Variants in CPNE4 observed in about 807,000 individuals in gnomAD.
The protein encoded by CPNE4 is copine-4.
A neutral mutation model predicts 67.9 loss-of-function variants in CPNE4; 25 were observed. That is an observed-to-expected ratio of 0.37 (90% CI 0.27 to 0.51). The LOEUF (loss-of-function observed/expected upper bound fraction) is 0.51, where lower values mean the gene tolerates loss of function less well. Among genes scored for constraint, CPNE4 ranks in the 20% least tolerant of loss-of-function variants. The pLI is 0.93. For missense variants in CPNE4, 464 were observed against 690.8 expected (o/e 0.67, Z 3.68); for synonymous variants, 242 against 244.9 (o/e 0.99, Z 0.11).
chr3:131,791,471 T>C (rs2083716375), intron 2 of CPNE4, among the ~76,000 whole-genome samples: 3 of 152,202 alleles, frequency 2.0e-5, no homozygotes, highest in African/African-American at 7.2e-5. Context: ...TAGTTATCCA[T>C]TTTCTCAACA....
At chr3:131,932,156 G>T (rs1036099460) in intron 1 of CPNE4, among the ~76,000 whole-genome samples, 1 of 152,152 alleles carries the variant, frequency 6.6e-6, no homozygotes, top group Non-Finnish European at 1.5e-5. Flanking sequence ...AGGACAGGAG[G>T]TCTCCAAACC....
rs187796719 is a variant in CPNE4 at position 131,888,972 on chromosome 3, C to T, written c.180+16292G>A. Among the ~76,000 whole-genome samples the T allele has an allele frequency of 6.6e-4, 101 of 152,236 alleles. 1 individual carries two copies. The highest frequency in any genetic ancestry group is 2.3e-3 in the African/African-American group (97 of 41,524). On this transcript the variant is annotated intron_variant, in intron 2 of 15. Coordinates refer to ENST00000429747, the MANE Select transcript of CPNE4 (RefSeq NM_130808.3). ...CTTATCTCTGGCATTAAACATACCT[C>T]GACATAAGTATTATCTGATAATGTC...
intron 5 of CPNE4, among the ~76,000 whole-genome samples, chr3:131,692,120 G>A (rs2081048464): frequency 6.6e-6 from 1 of 152,098 alleles, no homozygotes; most frequent in African/African-American, 2.4e-5. Flanking sequence ...CTAAGTAAGA[G>A]GGTGATAAGC....
intron 7 of CPNE4, among the ~76,000 whole-genome samples, chr3:131,621,132 G>C (rs183872656): frequency 4.2e-4 from 64 of 152,276 alleles, no homozygotes; most frequent in South Asian, 1.0e-3. Flanking sequence ...ACGCATTTCT[G>C]GGTGAATAAG....
chr3:131,938,737 A>G (rs1190572172), intron 1 of CPNE4, among the ~76,000 whole-genome samples: 4 of 152,090 alleles, frequency 2.6e-5, no homozygotes, highest in Admixed American at 1.3e-4. Flanking sequence ...CCATGATCCA[A>G]TCACCTCCCA....
intron 1 of CPNE4, among the ~76,000 whole-genome samples, chr3:132,019,721 A>T (rs1019236413): frequency 6.6e-6 from 1 of 152,194 alleles, no homozygotes; most frequent in Non-Finnish European, 1.5e-5. Flanking sequence ...TGATTTGCAG[A>T]TCAAAAAGCA....
intron 1 of CPNE4, among the ~76,000 whole-genome samples, chr3:131,913,441 C>T (rs2089061351): frequency 6.6e-6 from 1 of 152,194 alleles, no homozygotes; most frequent in Admixed American, 6.5e-5. Context: ...ACTGCTCGTG[C>T]TCCCCTCCCA....
At chr3:131,718,887 A>G (rs907973170) in intron 3 of CPNE4, among the ~76,000 whole-genome samples, 3 of 152,242 alleles carry the variant, frequency 2.0e-5, no homozygotes, top group African/African-American at 7.2e-5. Context: ...TCATTAAAAG[A>G]AGAAATAAAC....
chr3:131,814,576 T>TAAGAGTGCCTTCAAATGCCATC (rs2084659870), intron 2 of CPNE4, among the ~76,000 whole-genome samples: 1 of 5,958 alleles, frequency 1.7e-4, no homozygotes, highest in African/African-American at 5.7e-4. Flanking sequence ...AATGCAATTT[T>TAAGAGTGCCTTCAAATGCCATC]TTTTTTTTTT....
At position 131,915,470 on chromosome 3, in the gene CPNE4, C is replaced by T. The variant is rs77978311; in HGVS notation, c.-1-10026G>A. Among the ~76,000 whole-genome samples the T allele has an allele frequency of 1.6e-4, 25 of 152,244 alleles. No individual in the cohort carries two copies. The East Asian group carries it at 3.7e-3, about 22-fold the overall frequency. On this transcript the variant is annotated intron_variant, in intron 1 of 15. Transcript: ENST00000429747. ...TCCTCTGATTATTTCAAACACTGAG[C>T]ATTTGAGGAGTTATAGATGGTGGAG...
chr3:131,951,987 C>G lies in CPNE4; in HGVS notation c.-1-46543G>C, dbSNP rs1242193138. Among the ~76,000 whole-genome samples, 3 of 150,730 alleles carry G rather than the reference C, an allele frequency of 2.0e-5. No individual in the cohort carries two copies. In the South Asian group the frequency reaches 6.3e-4, roughly 32 times the overall value. Reference sequence around the variant, plus strand: ...TGCAGCCTCTGCCCAGCCGCCACCCCGTCTGGGAAGTGAGGAGCGTCTCTG... The same window carrying G: ...TGCAGCCTCTGCCCAGCCGCCACCCGGTCTGGGAAGTGAGGAGCGTCTCTG... On this transcript the variant is annotated intron_variant, in intron 1 of 15. Coordinates refer to ENST00000429747, the MANE Select transcript of CPNE4 (RefSeq NM_130808.3).
At chr3:131,717,871 T>TCCCTCCC (rs370808961) in intron 3 of CPNE4, among the ~76,000 whole-genome samples, 39,993 of 84,938 alleles carry the variant, frequency 0.47, 9,849 homozygotes, top group Admixed American at 0.52. Flanking sequence ...CTTTCTTTCT[T>TCCCTCCC]TCTTTTCTTT....
At chr3:131,776,415 C>T (rs528313520) in intron 2 of CPNE4, among the ~76,000 whole-genome samples, 1 of 152,170 alleles carries the variant, frequency 6.6e-6, no homozygotes, top group Non-Finnish European at 1.5e-5. Flanking sequence ...CTTCCAACAC[C>T]CTGATGGGAG....
In CPNE4 at chr3:131,840,598, C is replaced by A. The variant is rs1457413051; in HGVS notation, c.180+64666G>T. On this transcript the variant is annotated intron_variant, in intron 2 of 15. Coordinates refer to ENST00000429747, the MANE Select transcript of CPNE4 (RefSeq NM_130808.3). The stretch of plus-strand genomic sequence containing the variant: ...TGTGGCTCTTGAACACATTCAGACA[C>A]CACCCTGAGTTCTTGGCAGCCCTTT... Among the ~76,000 whole-genome samples, 52 of 152,170 alleles carry A rather than the reference C, an allele frequency of 3.4e-4. 1 individual carries two copies. The highest frequency in any genetic ancestry group is 3.4e-3 in the Admixed American group (52 of 15,264).
At chr3:131,813,186 C>T (rs1394352260) in intron 2 of CPNE4, among the ~76,000 whole-genome samples, 1 of 151,748 alleles carries the variant, frequency 6.6e-6, no homozygotes, top group East Asian at 1.9e-4. Context: ...TCTGGGAAGA[C>T]TATGTTGAAA....
intron 10 of CPNE4, among the ~76,000 whole-genome samples, chr3:131,572,840 G>T (rs962221755): frequency 6.6e-6 from 1 of 151,970 alleles, no homozygotes; most frequent in African/African-American, 2.4e-5. Flanking sequence ...CCACCTCCAT[G>T]CCAGGAAACC....
At chr3:131,621,805 G>T (rs149350703) in intron 7 of CPNE4, among the ~76,000 whole-genome samples, 5,533 of 151,598 alleles carry the variant, frequency 0.036, 319 homozygotes, top group African/African-American at 0.12. Context: ...TCAGGAGTTT[G>T]AGACCAGCCT....
At chr3:131,679,331 T>C (rs1333469256) in intron 6 of CPNE4, among the ~76,000 whole-genome samples, 1 of 152,142 alleles carries the variant, frequency 6.6e-6, no homozygotes, top group Non-Finnish European at 1.5e-5. Context: ...TTTTCTTCTT[T>C]ATTAGTATAG....
intron 1 of CPNE4, among the ~76,000 whole-genome samples, chr3:131,949,088 T>C (rs2071643880): frequency 6.6e-6 from 1 of 152,194 alleles, no homozygotes; most frequent in South Asian, 2.1e-4. Flanking sequence ...GGTATTGTCA[T>C]GATTATATGT....
Sources: allele counts gnomAD v4.1 joint callset (sites outside exome capture counted in the v4.1 genomes callset), GRCh38; gene constraint gnomAD v4.1.1; transcripts MANE v1.5; gene names NCBI Gene and HGNC (gene_info 2026-07-23, HGNC 2026-07-21).